The following SNX27 variants were observed in gnomAD, a reference collection of about 807,000 sequenced individuals.
The protein encoded by SNX27 is sorting nexin 27, also known as sorting nexin-27.
SNX27 carries 22 observed loss-of-function variants against 71.6 expected under a neutral mutation model. That is an observed-to-expected ratio of 0.31 (90% confidence interval 0.22 to 0.44). The LOEUF (loss-of-function observed/expected upper bound fraction) is 0.44, where lower values mean the gene tolerates loss of function less well. Among genes scored for constraint, SNX27 ranks in the 20% least tolerant of loss-of-function variants. The pLI, the probability that SNX27 is intolerant of heterozygous loss-of-function variation, is 1.00. For synonymous variants in SNX27, 269 were observed against 277.2 expected (o/e 0.97, Z 0.29); for missense variants, 531 against 698.6 (o/e 0.76, Z 2.70).
intron 8 of SNX27, among the ~76,000 whole-genome samples, chr1:151,690,735 C>T (rs1331856754): frequency 3.9e-5 from 6 of 152,240 alleles, no homozygotes; most frequent in Non-Finnish European, 8.8e-5. Context: ...GTGTGAGCCA[C>T]CATGCCCAGC....
At chr1:151,680,581 A>G (rs1357490706) in intron 7 of SNX27, 1 of 152,210 alleles carries the variant, frequency 6.6e-6, no homozygotes, top group Non-Finnish European at 1.5e-5. Context: ...AGTGTTCATC[A>G]AATATTAGTA....
intron 2 of SNX27, among the ~76,000 whole-genome samples, chr1:151,657,971 A>C (rs578071663): frequency 1.8e-4 from 27 of 152,304 alleles, no homozygotes; most frequent in African/African-American, 6.5e-4. Flanking sequence ...ACTGCACTCC[A>C]GCCCGGGCAA....
chr1:151,648,938 GT>G (rs1669197248), intron 2 of SNX27, among the ~76,000 whole-genome samples: 1 of 151,490 alleles, frequency 6.6e-6, no homozygotes, highest in Admixed American at 6.6e-5. Context: ...TTGGTGGATT[GT>G]TTTTTTCTTT....
chr1:151,667,885 T>C (rs979159442), intron 6 of SNX27, among the ~76,000 whole-genome samples: 1 of 148,728 alleles, frequency 6.7e-6, no homozygotes, highest in African/African-American at 2.5e-5. Context: ...AACTAGCTAA[T>C]GGATTAGATA....
In SNX27 at chr1:151,692,431, T is replaced by TTTATTAAAAAAAAA; in HGVS notation, c.1240-3_1240-2insTATTAAAAAAAAAT. The TTTATTAAAAAAAAA allele has an allele frequency of 6.7e-7, 1 of 1,496,526 alleles. No homozygotes were observed. The highest frequency in any genetic ancestry group is 8.8e-7 in the Non-Finnish European group (1 of 1,135,516). The allele number at this position is 1,496,526 out of a possible 1,614,324, so 92.7% of individuals were successfully genotyped here. Reference sequence around the variant, plus strand: ...CTTTTTTTTTTTTTTTTTTTTTTTTTTAGTACCTCAACATGCTAAGGACTT... The same window carrying TTTATTAAAAAAAAA: ...CTTTTTTTTTTTTTTTTTTTTTTTTTTTATTAAAAAAAAATAGTACCTCAACATGCTAAGGACTT... On this transcript the variant is annotated splice_polypyrimidine_tract_variant and splice_region_variant and intron_variant, in intron 8 of 11. Transcript: ENST00000458013.
chr1:151,652,393 G>T (rs1034822398), intron 2 of SNX27, among the ~76,000 whole-genome samples: 77 of 146,502 alleles, frequency 5.3e-4, no homozygotes, highest in Admixed American at 4.9e-3. Flanking sequence ...CTTCATTTTT[G>T]ATACCACGCC....
chr1:151,651,535 G>C (rs527899137), intron 2 of SNX27, among the ~76,000 whole-genome samples: 1 of 150,218 alleles, frequency 6.7e-6, no homozygotes, highest in East Asian at 2.0e-4. Context: ...CGGGGCGGCC[G>C]GGCAGAGATG....
chr1:151,647,278 A>G (rs371013053), intron 2 of SNX27, among the ~76,000 whole-genome samples: 8 of 151,816 alleles, frequency 5.3e-5, no homozygotes, highest in African/African-American at 1.7e-4. Flanking sequence ...AGCCTTCCGA[A>G]TAGCTAAACT....
intron 10 of SNX27, 191 bp from the exon 11 acceptor site, chr1:151,693,233 T>C: frequency 1.1e-6 from 1 of 939,156 alleles, no homozygotes; most frequent in Admixed American, 2.7e-5. Flanking sequence ...CCTATCCCAC[T>C]TGGCTCGTAG....
intron 7 of SNX27, among the ~76,000 whole-genome samples, chr1:151,680,633 A>G (rs1194660566): frequency 6.6e-6 from 1 of 151,434 alleles, no homozygotes; most frequent in African/African-American, 2.5e-5. Context: ...AGGGGTAAAA[A>G]CAAAACAGAA....
chr1:151,646,906 C>A (rs992312152), intron 2 of SNX27, among the ~76,000 whole-genome samples: 1 of 148,672 alleles, frequency 6.7e-6, no homozygotes, highest in African/African-American at 2.5e-5. Flanking sequence ...CACACACAAA[C>A]AAACACACAC....
Position 151,612,352 on chromosome 1 carries a change from T to G in SNX27, c.151T>G (p.Ser51Ala). 6.5e-7 allele frequency: 1 copy of G among 1,548,186 alleles called. No homozygotes were observed. Among genetic ancestry groups the G allele is most frequent in the South Asian group, 1.2e-5 (1 of 83,738 alleles). ...GGTCGTGCGCATCGTCAAGTCCGAG[T>G]CCGGCTACGGCTTCAACGTGCGGGG... ...PRVVRIVKSESGYGFNVRGQV... is the reference protein window; with the variant it reads ...PRVVRIVKSEAGYGFNVRGQV... Residue 51 changes from serine to alanine, a missense_variant, in exon 1 of 12, where the codon TCC becomes GCC. Transcript: ENST00000458013. This position sits in a 1 kb window ranked among gnomAD's most constrained non-coding sequence, Gnocchi z 5.2.
chr1:151,650,428 C>A (rs1669271028), intron 2 of SNX27, among the ~76,000 whole-genome samples: 1 of 151,974 alleles, frequency 6.6e-6, no homozygotes, highest in Non-Finnish European at 1.5e-5. Context: ...GGTTTGATAT[C>A]TTTTATTATT....
intron 6 of SNX27, among the ~76,000 whole-genome samples, chr1:151,667,737 G>C (rs1480516677): frequency 1.3e-5 from 2 of 148,756 alleles, no homozygotes; most frequent in Middle Eastern, 3.2e-3. Context: ...TGAGGCAGGA[G>C]AATGGCGTGA....
At chr1:151,680,193 C>G (rs1030285397) in intron 7 of SNX27, 4 of 149,254 alleles carry the variant, frequency 2.7e-5, no homozygotes, top group African/African-American at 4.9e-5. Flanking sequence ...GCTCTGTCTC[C>G]CAGGCTGGAG....
chr1:151,648,453 C>G (rs369680767), intron 2 of SNX27, among the ~76,000 whole-genome samples: 1 of 151,688 alleles, frequency 6.6e-6, no homozygotes, highest in Admixed American at 6.6e-5. Flanking sequence ...GAGTTTTGCT[C>G]TTTTTGCCCA....
chr1:151,639,064 T>C lies in SNX27; in HGVS notation c.488T>C (p.Val163Ala), dbSNP rs1668605020. The C allele has an allele frequency of 6.2e-7, 1 of 1,614,064 alleles. No individual in the cohort carries two copies. Among genetic ancestry groups the C allele is most frequent in the Admixed American group, 1.7e-5 (1 of 59,990 alleles). Residue 163 changes from valine (V) to alanine (A), a missense_variant, in exon 2 of 12, where the codon GTG (valine) becomes GCG (alanine). Physicochemically the swap from Val to Ala is moderately conservative, Grantham distance 64 (BLOSUM62 0). This residue lies in a region of SNX27 where 184 missense variants were observed against 289.6 expected (regional missense o/e 0.64). Coordinates refer to ENST00000458013, the MANE Select transcript of SNX27 (RefSeq NM_001330723.2). ...TATGATTACACAGAAAAGCAAGCAG[T>C]GCCCATATCGGTCCCCAGATACAAA... is the stretch of plus-strand genomic sequence containing the variant. Reference protein sequence around the residue: ...SFYDYTEKQAVPISVPRYKHV... With the variant: ...SFYDYTEKQAAPISVPRYKHV...
chr1:151,693,928 A>T lies in SNX27; in HGVS notation c.1579-442A>T. The T allele has an allele frequency of 4.5e-6, 6 of 1,343,014 alleles. No individual in the cohort carries two copies. In the South Asian group the frequency reaches 1.2e-4, roughly 26 times the overall value. The allele number at this position is 1,343,014 out of a possible 1,614,324, so 83.2% of individuals were successfully genotyped here. On this transcript the variant is annotated intron_variant, in intron 11 of 11. Coordinates refer to ENST00000458013, the MANE Select transcript of SNX27 (RefSeq NM_001330723.2). ...TTGCTGTTGCTTTACTGCTGTCTGT[A>T]TGTGCCAGTGCTGGAACAGAATTTG...
In SNX27 at chr1:151,692,600, A is replaced by G; in HGVS notation, c.1389+16A>G. On this transcript the variant is annotated intron_variant, in intron 9 of 11. Coordinates refer to ENST00000458013, the MANE Select transcript of SNX27 (RefSeq NM_001330723.2). The stretch of plus-strand genomic sequence containing the variant: ...ACAGCTGGAGGTGAGTTTTCAGCAT[A>G]GGGCTCTGGCTGCGAGGACTGGAGA... The G allele has an allele frequency of 6.2e-7, 1 of 1,607,474 alleles. No individual in the cohort carries two copies. The highest frequency in any genetic ancestry group is 8.5e-7 in the Non-Finnish European group (1 of 1,178,062).
Sources: allele counts gnomAD v4.1 joint callset (sites outside exome capture counted in the v4.1 genomes callset), GRCh38; gene constraint gnomAD v4.1.1; regional missense constraint gnomAD v4.1.1; non-coding constraint Gnocchi (gnomAD v3.1); transcripts MANE v1.5; gene names NCBI Gene and HGNC (gene_info 2026-07-23, HGNC 2026-07-21).